Variants in SPIDR observed in about 807,000 individuals in gnomAD.
SPIDR encodes the protein DNA repair-scaffolding protein.
A neutral mutation model predicts 104.6 loss-of-function variants in SPIDR; 93 were observed. The observed-to-expected ratio is 0.89, with a 90% CI of 0.75 to 1.06. The LOEUF (loss-of-function observed/expected upper bound fraction) is 1.06, where lower values mean the gene tolerates loss of function less well. Among genes scored for constraint, SPIDR ranks in the 50% least tolerant of loss-of-function variants. The pLI, the probability that SPIDR is intolerant of heterozygous loss-of-function variation, is 0.00. For synonymous variants in SPIDR, 431 were observed against 416.9 expected (o/e 1.03, Z -0.41); for missense variants, 1,154 against 1,111.2 (o/e 1.04, Z -0.55).
At chr8:47,512,547 C>T (rs1053146749) in intron 8 of SPIDR, among the ~76,000 whole-genome samples, 1 of 152,178 alleles carries the variant, frequency 6.6e-6, no homozygotes, top group Admixed American at 6.5e-5. Flanking sequence ...TAGTGCAGGC[C>T]TCAGCTGCTA....
chr8:47,415,141 G>A (rs1272254731), intron 7 of SPIDR, among the ~76,000 whole-genome samples: 1 of 152,092 alleles, frequency 6.6e-6, no homozygotes, highest in South Asian at 2.1e-4. Context: ...CTGACCTCGT[G>A]ATCCTCCCGC....
At chr8:47,364,304 T>C (rs1243582743) in intron 5 of SPIDR, among the ~76,000 whole-genome samples, 3 of 152,210 alleles carry the variant, frequency 2.0e-5, no homozygotes, top group African/African-American at 7.2e-5. Flanking sequence ...TGGTCCCTTC[T>C]GTGTCCTTGA....
At chr8:47,647,441 C>A (rs1225460352) in intron 10 of SPIDR, among the ~76,000 whole-genome samples, 3 of 152,070 alleles carry the variant, frequency 2.0e-5, no homozygotes. Flanking sequence ...ATGGTGAAAA[C>A]CTATCTCTAC....
chr8:47,396,698 T>C, intron 6 of SPIDR, 72 bp downstream of exon 6: 1 of 1,420,066 alleles, frequency 7.0e-7, no homozygotes, highest in Middle Eastern at 1.9e-4. Flanking sequence ...ATCTAAAATG[T>C]TAATTTTAAG....
At chr8:47,673,627 G>T in intron 10 of SPIDR, 174 bp from the exon 11 acceptor site, 1 of 799,208 alleles carries the variant, frequency 1.3e-6, no homozygotes, top group Non-Finnish European at 2.0e-6. Context: ...TTAGGAAGAT[G>T]ACTACAGTGG....
At chr8:47,384,281 A>G (rs1554646972) in intron 5 of SPIDR, among the ~76,000 whole-genome samples, 1 of 152,184 alleles carries the variant, frequency 6.6e-6, no homozygotes, top group African/African-American at 2.4e-5. Context: ...GTAGTTGTAT[A>G]TGTACGTTTT....
intron 5 of SPIDR, among the ~76,000 whole-genome samples, chr8:47,349,350 G>A (rs2052919174): frequency 6.6e-6 from 1 of 152,216 alleles, no homozygotes; most frequent in Non-Finnish European, 1.5e-5. Context: ...CTTCGTCTCA[G>A]AGGGGCACCC....
intron 5 of SPIDR, among the ~76,000 whole-genome samples, chr8:47,351,989 A>G (rs2053583450): frequency 6.6e-6 from 1 of 152,120 alleles, no homozygotes; most frequent in African/African-American, 2.4e-5. Context: ...GTGTTAGAGG[A>G]TAATTTGGGC....
At chr8:47,342,236 C>G (rs1350344694) in intron 5 of SPIDR, among the ~76,000 whole-genome samples, 1 of 151,914 alleles carries the variant, frequency 6.6e-6, no homozygotes, top group African/African-American at 2.4e-5. Flanking sequence ...TGGGCTCCCC[C>G]ATGCCGCCCT....
At chr8:47,506,625 T>G (rs1292957018) in intron 8 of SPIDR, among the ~76,000 whole-genome samples, 1 of 152,082 alleles carries the variant, frequency 6.6e-6, no homozygotes, top group African/African-American at 2.4e-5. Context: ...GAAGTATGCA[T>G]AATTATTAGA....
At chr8:47,678,037 T>TC (rs913464463) in intron 11 of SPIDR, among the ~76,000 whole-genome samples, 1 of 141,178 alleles carries the variant, frequency 7.1e-6, no homozygotes, top group Non-Finnish European at 1.5e-5. Flanking sequence ...GACCTCCACC[T>TC]CAAAAAAAAA....
intron 7 of SPIDR, among the ~76,000 whole-genome samples, chr8:47,420,650 C>T (rs972948171): frequency 2.6e-5 from 4 of 152,214 alleles, no homozygotes; most frequent in African/African-American, 7.2e-5. Context: ...AATTTGATCC[C>T]GTCATTATGA....
chr8:47,672,886 A>G (rs181716876), intron 10 of SPIDR, among the ~76,000 whole-genome samples: 1 of 152,324 alleles, frequency 6.6e-6, no homozygotes, highest in Non-Finnish European at 1.5e-5. Flanking sequence ...CTTCTCTTGC[A>G]AACCAGCTGG....
chr8:47,487,876 C>T (rs10091032), intron 8 of SPIDR, among the ~76,000 whole-genome samples: 8 of 152,028 alleles, frequency 5.3e-5, no homozygotes, highest in East Asian at 1.9e-4. Context: ...GGAAATTTAT[C>T]GCACTAAATG....
At chr8:47,329,273 G>T (rs1467016559) in intron 5 of SPIDR, among the ~76,000 whole-genome samples, 1 of 151,780 alleles carries the variant, frequency 6.6e-6, no homozygotes, top group Non-Finnish European at 1.5e-5. Context: ...GGGTTTCACC[G>T]TGTTAGCCAG....
intron 8 of SPIDR, among the ~76,000 whole-genome samples, chr8:47,574,686 T>C (rs1211520721): frequency 6.6e-6 from 1 of 151,246 alleles, no homozygotes; most frequent in Non-Finnish European, 1.5e-5. Flanking sequence ...CTCTGGAGGC[T>C]GAGGCAGGAG....
chr8:47,469,964 T>C (rs2075439700), intron 8 of SPIDR, among the ~76,000 whole-genome samples: 1 of 152,216 alleles, frequency 6.6e-6, no homozygotes, highest in Admixed American at 6.5e-5. Context: ...GGCTTTAATA[T>C]TGTTAAGATG....
At chr8:47,534,715 C>T (rs776119720) in intron 8 of SPIDR, among the ~76,000 whole-genome samples, 1 of 151,968 alleles carries the variant, frequency 6.6e-6, no homozygotes, top group African/African-American at 2.4e-5. Context: ...ATAATACATA[C>T]AAAAAACCCC....
chr8:47,457,094 C>T (rs868935631), intron 8 of SPIDR, among the ~76,000 whole-genome samples: 1 of 152,148 alleles, frequency 6.6e-6, no homozygotes, highest in African/African-American at 2.4e-5. Flanking sequence ...TTTCCTGTAA[C>T]AACTTCTTTT....
Sources: allele counts gnomAD v4.1 joint callset (sites outside exome capture counted in the v4.1 genomes callset), GRCh38; gene constraint gnomAD v4.1.1; transcripts MANE v1.5; gene names NCBI Gene and HGNC (gene_info 2026-07-23, HGNC 2026-07-21).